The following MAGI1 variants were observed in gnomAD, a reference collection of about 807,000 sequenced individuals.
The protein encoded by MAGI1 is membrane associated guanylate kinase, WW and PDZ domain containing 1.
Under a neutral mutation model 139.9 loss-of-function variants are expected in MAGI1, and 58 were observed. That is an observed-to-expected ratio of 0.41 (90% confidence interval 0.34 to 0.52). MAGI1 has a LOEUF of 0.52. MAGI1 is among the 20% of genes least tolerant of loss of function. The pLI is 0.12. For synonymous variants in MAGI1, 812 were observed against 737.9 expected, an observed-to-expected ratio of 1.10 and a Z score of -1.63; for missense variants, 1,874 against 1,901.6, an observed-to-expected ratio of 0.99 and a Z score of 0.27.
chr3:65,505,897 T>C (rs1473236426), intron 2 of MAGI1, among the ~76,000 whole-genome samples: 1 of 152,122 alleles, frequency 6.6e-6, no homozygotes, highest in Non-Finnish European at 1.5e-5. Flanking sequence ...ACTGTTCTCA[T>C]GAATATTATA....
intron 1 of MAGI1, among the ~76,000 whole-genome samples, chr3:65,981,614 A>G (rs529771626): frequency 6.6e-6 from 1 of 152,304 alleles, no homozygotes; most frequent in Non-Finnish European, 1.5e-5. Flanking sequence ...CTTGAATTGT[A>G]GCTCCCATAA....
chr3:65,786,782 TG>T (rs1210491034), intron 1 of MAGI1, among the ~76,000 whole-genome samples: 7 of 151,828 alleles, frequency 4.6e-5, no homozygotes, highest in African/African-American at 1.5e-4. Context: ...TGGCTAATTT[TG>T]TTTTTGTATT....
At chr3:65,589,032 A>C (rs1576407082) in intron 2 of MAGI1, among the ~76,000 whole-genome samples, 2 of 152,198 alleles carry the variant, frequency 1.3e-5, no homozygotes, top group African/African-American at 4.8e-5. Context: ...CCATCTAGGA[A>C]GTAAAGAGTT....
chr3:65,803,933 G>A (rs1228037869), intron 1 of MAGI1, among the ~76,000 whole-genome samples: 2 of 152,084 alleles, frequency 1.3e-5, no homozygotes, highest in Non-Finnish European at 2.9e-5. Context: ...ACAATAACAC[G>A]AGTGCTTCAA....
chr3:65,442,832 C>A lies in MAGI1; in HGVS notation c.1096G>T (p.Glu366Ter), dbSNP rs1187772329. The A allele has an allele frequency of 1.2e-6, 2 of 1,612,974 alleles. No individual in the cohort carries two copies. Among genetic ancestry groups the A allele is most frequent in the East Asian group, 2.2e-5 (1 of 44,786 alleles). ...CCATAGACAGGGTCTTCAATCTTTT[C>A]CCAACCAGCAGGCAGTTCTGAAAAA... ...DSELELPAGWEKIEDPVYGIY... is the reference protein window; with the variant it reads ...DSELELPAGW Residue 366 changes from glutamate to a stop codon, truncating the protein, a stop_gained, in exon 8 of 23, where the codon GAA (glutamate) becomes TAA (stop). Coordinates refer to ENST00000402939, the MANE Select transcript of MAGI1 (RefSeq NM_001033057.2). LOFTEE classifies it high-confidence loss of function.
intron 1 of MAGI1, among the ~76,000 whole-genome samples, chr3:65,742,524 C>T (rs548853635): frequency 1.8e-4 from 28 of 152,146 alleles, no homozygotes; most frequent in African/African-American, 6.3e-4. Flanking sequence ...CTGTCCTCAT[C>T]GCTGAAATAA....
At chr3:65,872,143 A>G (rs1214674735) in intron 1 of MAGI1, among the ~76,000 whole-genome samples, 1 of 152,236 alleles carries the variant, frequency 6.6e-6, no homozygotes, top group Non-Finnish European at 1.5e-5. Context: ...CAAATTAAAT[A>G]ATTACATTAG....
chr3:65,892,022 C>T (rs2060792427), intron 1 of MAGI1, among the ~76,000 whole-genome samples: 1 of 146,298 alleles, frequency 6.8e-6, no homozygotes, highest in Admixed American at 7.0e-5. Context: ...ACACCCCCTC[C>T]CATATTGTTC....
chr3:65,868,500 T>C (rs1304148360), intron 1 of MAGI1, among the ~76,000 whole-genome samples: 1 of 152,176 alleles, frequency 6.6e-6, no homozygotes, highest in East Asian at 1.9e-4. Flanking sequence ...ACAGACTCCC[T>C]GCACCCTGGA....
chr3:65,561,449 C>T (rs907174528), intron 2 of MAGI1, among the ~76,000 whole-genome samples: 1 of 152,032 alleles, frequency 6.6e-6, no homozygotes, highest in African/African-American at 2.4e-5. Context: ...AATCTAAACA[C>T]AAGAAGCAAA....
chr3:65,963,296 A>T (rs1449586804), intron 1 of MAGI1, among the ~76,000 whole-genome samples: 1 of 98,992 alleles, frequency 1.0e-5, no homozygotes, highest in Non-Finnish European at 2.0e-5. Context: ...TGGTCAACAG[A>T]GCGAGACTCT....
intron 1 of MAGI1, among the ~76,000 whole-genome samples, chr3:65,647,401 C>T (rs1385371488): frequency 6.6e-6 from 1 of 152,134 alleles, no homozygotes; most frequent in Non-Finnish European, 1.5e-5. Context: ...TAGTATTACT[C>T]TGATACCAAA....
chr3:65,657,732 T>C (rs540432191), intron 1 of MAGI1, among the ~76,000 whole-genome samples: 1 of 152,296 alleles, frequency 6.6e-6, no homozygotes, highest in South Asian at 2.1e-4. Flanking sequence ...CTGGTAACAA[T>C]GAAATTTGCT....
intron 1 of MAGI1, among the ~76,000 whole-genome samples, chr3:65,731,327 C>T: frequency 6.6e-6 from 1 of 151,990 alleles, no homozygotes; most frequent in East Asian, 1.9e-4. Flanking sequence ...AACTTGGCTC[C>T]AGTCGGGTTA....
At chr3:65,432,265 C>A (rs1048534047) in intron 10 of MAGI1, among the ~76,000 whole-genome samples, 4 of 152,084 alleles carry the variant, frequency 2.6e-5, no homozygotes, top group Non-Finnish European at 4.4e-5. Context: ...ATACCCTGTC[C>A]TTGCCACACA....
At chr3:65,757,259 A>C (rs2036635605) in intron 1 of MAGI1, among the ~76,000 whole-genome samples, 1 of 152,196 alleles carries the variant, frequency 6.6e-6, no homozygotes, top group Admixed American at 6.5e-5. Flanking sequence ...GAGGCCAGGG[A>C]CCTTCTATAG....
intron 1 of MAGI1, among the ~76,000 whole-genome samples, chr3:65,851,862 T>A (rs1232849421): frequency 2.6e-5 from 4 of 152,150 alleles, no homozygotes; most frequent in Non-Finnish European, 4.4e-5. Flanking sequence ...TTCAGTAATA[T>A]AAAAAAGTTT....
chr3:65,496,417 T>C (rs1048120120), intron 2 of MAGI1, among the ~76,000 whole-genome samples: 23 of 152,010 alleles, frequency 1.5e-4, no homozygotes, highest in African/African-American at 4.6e-4. Context: ...TGGGCAAGAA[T>C]AGAAGCAGGG....
chr3:65,892,184 A>G (rs2108579591), intron 1 of MAGI1, among the ~76,000 whole-genome samples: 2 of 152,052 alleles, frequency 1.3e-5, no homozygotes, highest in East Asian at 3.9e-4. Context: ...TGGGCAGCCA[A>G]TGGGCAAATT....
Sources: allele counts gnomAD v4.1 joint callset (sites outside exome capture counted in the v4.1 genomes callset), GRCh38; gene constraint gnomAD v4.1.1; transcripts MANE v1.5; gene names NCBI Gene and HGNC (gene_info 2026-07-23, HGNC 2026-07-21).